SLFN12L: variants seen among roughly 807,000 people sequenced by gnomAD.
SLFN12L encodes the protein schlafen family member 12 like, also known as schlafen family member 12-like.
SLFN12L carries 34 observed loss-of-function variants against 34.8 expected under a neutral mutation model. The ratio of observed to expected loss-of-function variants is 0.98; its 90% CI spans 0.74 to 1.30. SLFN12L has a LOEUF of 1.30. SLFN12L is among the 50% of genes most tolerant of loss of function. The probability of loss-of-function intolerance (pLI) is 0.00; values close to 1 mark genes in which losing one functional copy is unlikely to be tolerated. For synonymous variants in SLFN12L, 259 were observed against 247.5 expected, an observed-to-expected ratio of 1.05 and a Z score of -0.44; for missense variants, 703 against 696.2, an observed-to-expected ratio of 1.01 and a Z score of -0.11.
At chr17:35,512,926 C>T (rs1915700837) in intron 2 of SLFN12L, among the ~76,000 whole-genome samples, 1 of 152,204 alleles carries the variant, frequency 6.6e-6, no homozygotes, top group South Asian at 2.1e-4. Context: ...CCAGCCAACC[C>T]CCCTTTCTCT....
chr17:35,510,563 AGAGAG>A (rs1915605776), intron 2 of SLFN12L, among the ~76,000 whole-genome samples: 1 of 152,214 alleles, frequency 6.6e-6, no homozygotes, highest in South Asian at 2.1e-4. Context: ...CCATAGAGAC[AGAGAG>A]GAGAGGAGAC....
chr17:35,497,720 C>T (rs189727877), intron 2 of SLFN12L, among the ~76,000 whole-genome samples: 107 of 152,296 alleles, frequency 7.0e-4, no homozygotes, highest in African/African-American at 2.5e-3. Flanking sequence ...ATGTTTATTT[C>T]ACACCAGGGA....
In SLFN12L at chr17:35,470,795, G is replaced by A. The variant is rs1170948426; in HGVS notation, c.*4128C>T. 6.6e-6 allele frequency among the ~76,000 whole-genome samples: 1 copy of A among 151,500 alleles called. No individual in the cohort carries two copies. Among genetic ancestry groups the A allele is most frequent in the Non-Finnish European group, 1.5e-5 (1 of 67,908 alleles). On this transcript the variant is annotated 3_prime_UTR_variant, in exon 5 of 5. Coordinates refer to ENST00000628453, the MANE Select transcript of SLFN12L (RefSeq NM_001363830.2). ...TGCTGCACCTATTGACCCATCCTCT[G>A]AGTTCCCTCCCCTCACTCTCCCCAC... is the stretch of plus-strand genomic sequence containing the variant.
At chr17:35,514,031 A>C (rs556016770) in intron 2 of SLFN12L, among the ~76,000 whole-genome samples, 51 of 152,376 alleles carry the variant, frequency 3.3e-4, no homozygotes, top group African/African-American at 1.1e-3. Context: ...ATGACCGAGA[A>C]GCTGAAAGGG....
chr17:35,470,003 A>G lies in SLFN12L; in HGVS notation c.*4920T>C, dbSNP rs1913780432. On this transcript the variant is annotated 3_prime_UTR_variant, in exon 5 of 5. Coordinates refer to ENST00000628453, the MANE Select transcript of SLFN12L (RefSeq NM_001363830.2). ...TGGATGCTTTACCACATGACCCTGC[A>G]TGACAGAGCAAGTCCCCTTCTCTTG... The G allele has an allele frequency of 6.6e-6, 1 of 152,218 alleles. No individual in the cohort carries two copies. The highest frequency in any genetic ancestry group is 2.1e-4 in the South Asian group (1 of 4,832). 9.4% of individuals were successfully genotyped at this position (152,218 alleles called of 1,614,324 possible).
chr17:35,517,399 G>T (rs1415168990), intron 2 of SLFN12L, among the ~76,000 whole-genome samples: 2 of 152,120 alleles, frequency 1.3e-5, no homozygotes, highest in Non-Finnish European at 2.9e-5. Flanking sequence ...AAATAAGAGA[G>T]GACACAAATA....
intron 2 of SLFN12L, among the ~76,000 whole-genome samples, chr17:35,486,320 C>T (rs1914579273): frequency 6.6e-6 from 1 of 152,178 alleles, no homozygotes. Context: ...CTGTATCAGG[C>T]CTTGCCCTGG....
intron 2 of SLFN12L, among the ~76,000 whole-genome samples, chr17:35,488,332 C>G (rs1914691126): frequency 6.6e-6 from 1 of 152,232 alleles, no homozygotes; most frequent in African/African-American, 2.4e-5. Context: ...CGGGGGAGAG[C>G]AGCTACTAAT....
intron 2 of SLFN12L, among the ~76,000 whole-genome samples, chr17:35,503,321 C>T (rs1915363745): frequency 6.6e-6 from 1 of 152,124 alleles, no homozygotes; most frequent in African/African-American, 2.4e-5. Context: ...AGTAAAAACA[C>T]AACAGGTTTC....
chr17:35,479,495 T>A lies in SLFN12L; in HGVS notation c.787A>T (p.Ile263Phe), dbSNP rs1262710430. The A allele has an allele frequency of 6.2e-7, 1 of 1,614,202 alleles. No individual in the cohort carries two copies. The highest frequency in any genetic ancestry group is 1.3e-5 in the African/African-American group (1 of 75,062). Residue 263 changes from isoleucine to phenylalanine, a missense_variant, in exon 3 of 5, where the codon ATT becomes TTT. Coordinates refer to ENST00000628453, the MANE Select transcript of SLFN12L (RefSeq NM_001363830.2). ...TEKLLQRITE[I>F]LPQYVSAFAN... ...AATGCAGAAACATATTGAGGGAGAA[T>A]CTCTGTAATTCGTTGTAACAACTTT...
intron 2 of SLFN12L, chr17:35,498,809 T>C (rs761294939): frequency 1.2e-6 from 1 of 856,958 alleles, no homozygotes; most frequent in Admixed American, 2.2e-5. Flanking sequence ...TTCATCTTGA[T>C]GTGCAGCCTG....
intron 1 of SLFN12L, among the ~76,000 whole-genome samples, chr17:35,534,165 A>T (rs540760740): frequency 1.2e-3 from 184 of 152,260 alleles, no homozygotes; most frequent in Non-Finnish European, 2.1e-4. Flanking sequence ...GATGGAGACC[A>T]TCCTGGCTAA....
intron 2 of SLFN12L, among the ~76,000 whole-genome samples, chr17:35,491,985 T>C (rs1391921181): frequency 6.6e-6 from 1 of 152,196 alleles, no homozygotes; most frequent in Non-Finnish European, 1.5e-5. Flanking sequence ...CCCCAATGTG[T>C]TTGTGAGTTT....
chr17:35,478,399 A>C, intron 3 of SLFN12L: 2 of 339,058 alleles, frequency 5.9e-6, no homozygotes, highest in South Asian at 9.6e-5. Flanking sequence ...AACACTCTAT[A>C]CTTGGAAGGA....
chr17:35,472,927 T>G lies in SLFN12L; in HGVS notation c.*1996A>C, dbSNP rs1913830432. Among the ~76,000 whole-genome samples the G allele has an allele frequency of 6.6e-6, 1 of 152,174 alleles. No homozygotes were observed. The highest frequency in any genetic ancestry group is 2.1e-4 in the South Asian group (1 of 4,832). ...TCTTTTTAGCGATTGTGAATGTGAG[T>G]TCACTCATGATTTGGCTCTCTGCTT... On this transcript the variant is annotated 3_prime_UTR_variant, in exon 5 of 5. Coordinates refer to ENST00000628453, the MANE Select transcript of SLFN12L (RefSeq NM_001363830.2).
rs554175737 is a variant in SLFN12L, at chr17:35,469,828, C to T, written c.*5095G>A. ...CATGTAACAGACAACTGGGGACCGT[C>T]CCTAGGCCCCAAAGCCCATCAGAAT... On this transcript the variant is annotated 3_prime_UTR_variant, in exon 5 of 5. Coordinates refer to ENST00000628453, the MANE Select transcript of SLFN12L (RefSeq NM_001363830.2). 6.6e-6 allele frequency among the ~76,000 whole-genome samples: 1 copy of T among 152,298 alleles called. No homozygotes were observed. The highest frequency in any genetic ancestry group is 1.9e-4 in the East Asian group (1 of 5,184).
At chr17:35,515,988 G>T (rs1231015668) in intron 2 of SLFN12L, among the ~76,000 whole-genome samples, 2 of 151,906 alleles carry the variant, frequency 1.3e-5, no homozygotes, top group East Asian at 3.9e-4. Context: ...GATGTTTTGG[G>T]CTTAATTTCT....
intron 2 of SLFN12L, among the ~76,000 whole-genome samples, chr17:35,492,353 G>A (rs916097003): frequency 8.5e-5 from 13 of 152,308 alleles, no homozygotes; most frequent in African/African-American, 3.1e-4. Flanking sequence ...AGGAGCAGCA[G>A]GCATGGGTCC....
chr17:35,465,300 G>A lies in SLFN12L; in HGVS notation c.*9623C>T, dbSNP rs974148838. ...TGAGGTTCCAACAAATTTAAACATT[G>A]TACCCCATATAATTTTAAAAGGTAG... On this transcript the variant is annotated 3_prime_UTR_variant, in exon 5 of 5. Coordinates refer to ENST00000628453, the MANE Select transcript of SLFN12L (RefSeq NM_001363830.2). Among the ~76,000 whole-genome samples, 8 of 151,960 alleles carry A rather than the reference G, an allele frequency of 5.3e-5. No homozygotes were observed. The highest frequency in any genetic ancestry group is 1.9e-4 in the African/African-American group (8 of 41,346).
Sources: gnomAD v4.1 joint callset for allele counts (sites outside exome capture counted in the v4.1 genomes callset) on GRCh38, gnomAD v4.1.1 for gene constraint, MANE v1.5 for transcripts, NCBI Gene and HGNC (gene_info 2026-07-23, HGNC 2026-07-21) for gene names.